Variants in SH2D4B observed in about 807,000 individuals in gnomAD.
The protein encoded by SH2D4B is SH2 domain-containing protein 4B.
SH2D4B carries 45 observed loss-of-function variants against 61.5 expected under a neutral mutation model. The observed-to-expected ratio is 0.73, with a 90% CI of 0.58 to 0.94. SH2D4B has a LOEUF of 0.94. Among genes scored for constraint, SH2D4B ranks in the 40% least tolerant of loss-of-function variants. SH2D4B has a pLI of 0.00. For missense variants in SH2D4B, 572 were observed against 574.2 expected (o/e 1.00, Z 0.04); for synonymous variants, 224 against 220.4 (o/e 1.02, Z -0.14).
Position 80,538,658 on chromosome 10 carries a change from C to A in SH2D4B, c.184+143C>A. The A allele has an allele frequency of 1.4e-6, 1 of 699,470 alleles. No homozygotes were observed. The highest frequency in any genetic ancestry group is 2.1e-6 in the Non-Finnish European group (1 of 487,286). 43.3% of individuals were successfully genotyped at this position (699,470 alleles called of 1,614,324 possible). A position where few individuals can be genotyped will look rare whatever the true frequency, so the allele number is the denominator to read the frequency against. On this transcript the variant is annotated intron_variant, in intron 1 of 7. Coordinates refer to ENST00000646907, the MANE Select transcript of SH2D4B (RefSeq NM_001388272.1). This position sits in a 1 kb window ranked among gnomAD's most constrained non-coding sequence, Gnocchi z 4.8. ...CTTGAAACCCTTGTCTTGTGGGCAT[C>A]AGGTCCCATGAGCCTGTGCTTTTGC...
At chr10:80,572,981 TATATA>T (rs1454803589) in intron 3 of SH2D4B, among the ~76,000 whole-genome samples, 14 of 11,282 alleles carry the variant, frequency 1.2e-3, no homozygotes, top group East Asian at 3.5e-3. Flanking sequence ...TATATATATA[TATATA>T]TTTTTTTTTT....
Position 80,617,466 on chromosome 10 carries a change from C to A in SH2D4B, c.988+7915C>A, listed in dbSNP as rs117474348. On this transcript the variant is annotated intron_variant, in intron 6 of 7. Coordinates refer to ENST00000646907, the MANE Select transcript of SH2D4B (RefSeq NM_001388272.1). ...GATTGTTGAGTTACCTAGACAGGGGCAAGAGAAGACAGACTCCCTGAGTAA... is the reference window on the plus strand; with the variant it reads ...GATTGTTGAGTTACCTAGACAGGGGAAAGAGAAGACAGACTCCCTGAGTAA... Among the ~76,000 whole-genome samples, 29 of 152,256 alleles carry A rather than the reference C, an allele frequency of 1.9e-4. No homozygotes were observed. The East Asian group carries it at 5.0e-3, about 26-fold the overall frequency.
In SH2D4B at chr10:80,574,723, G is replaced by A. The variant is rs138404440; in HGVS notation, c.495+3145G>A. On this transcript the variant is annotated intron_variant, in intron 3 of 7. Coordinates refer to ENST00000646907, the MANE Select transcript of SH2D4B (RefSeq NM_001388272.1). ...ATTAATTAATTAATTTGTTTGAGAC[G>A]GAGTTTCGCTCTTGTTGTCCAGGCT... Among the ~76,000 whole-genome samples, 133 of 151,764 alleles carry A rather than the reference G, an allele frequency of 8.8e-4. 2 individuals carry two copies. The East Asian group carries it at 0.024, about 28-fold the overall frequency.
chr10:80,558,555 A>G (rs1311226539), intron 1 of SH2D4B, among the ~76,000 whole-genome samples: 1 of 152,158 alleles, frequency 6.6e-6, no homozygotes, highest in African/African-American at 2.4e-5. Context: ...GTCTTGGGTC[A>G]CTGCAACTTC....
chr10:80,617,324 T>C (rs1842671881), intron 6 of SH2D4B, among the ~76,000 whole-genome samples: 1 of 152,152 alleles, frequency 6.6e-6, no homozygotes, highest in Non-Finnish European at 1.5e-5. Flanking sequence ...AAGTGTCTGC[T>C]CCTCCTGAGG....
intron 4 of SH2D4B, among the ~76,000 whole-genome samples, chr10:80,591,123 T>A (rs904109524): frequency 1.4e-5 from 2 of 145,614 alleles, no homozygotes; most frequent in Non-Finnish European, 2.9e-5. Flanking sequence ...ATATACCACA[T>A]TGTTGTTTGT....
At chr10:80,572,005 C>T (rs987410648) in intron 3 of SH2D4B, among the ~76,000 whole-genome samples, 3 of 152,084 alleles carry the variant, frequency 2.0e-5, no homozygotes, top group Non-Finnish European at 2.9e-5. Context: ...ATCTCCTGAC[C>T]TCGTGATCCG....
chr10:80,560,372 A>ATT (rs1046386490), intron 1 of SH2D4B, among the ~76,000 whole-genome samples: 15 of 144,566 alleles, frequency 1.0e-4, no homozygotes, highest in African/African-American at 2.0e-4. Context: ...ATATTCTTAG[A>ATT]TTTTTTTTTT....
At position 80,609,429 on chromosome 10, in the gene SH2D4B, C is replaced by G; in HGVS notation, c.866C>G (p.Thr289Ser). Reference protein sequence around the residue: ...PQPLALPVSRTWERPLRPVSR... With the variant: ...PQPLALPVSRSWERPLRPVSR... ...CCCACTTTCTTTCTCTTCAGCAGGACCTGGGAGCGCCCGCTGCGCCCAGTC... is the reference window on the plus strand; with the variant it reads ...CCCACTTTCTTTCTCTTCAGCAGGAGCTGGGAGCGCCCGCTGCGCCCAGTC... Residue 289 changes from threonine (T) to serine (S), a missense_variant, in exon 6 of 8, where the codon ACC (threonine) becomes AGC (serine). Physicochemically the swap from Thr to Ser is moderately conservative, Grantham distance 58. Transcript: ENST00000646907. 1.9e-6 allele frequency: 3 copies of G among 1,613,742 alleles called. No individual in the cohort carries two copies. The highest frequency in any genetic ancestry group is 2.5e-6 in the Non-Finnish European group (3 of 1,179,790).
chr10:80,571,788 T>A (rs1325935359), intron 3 of SH2D4B, among the ~76,000 whole-genome samples: 1 of 150,730 alleles, frequency 6.6e-6, no homozygotes, highest in Non-Finnish European at 1.5e-5. Context: ...TTTTTTTTTT[T>A]TTTGAGACGG....
intron 3 of SH2D4B, among the ~76,000 whole-genome samples, chr10:80,576,566 G>A (rs533016810): frequency 6.6e-6 from 1 of 152,144 alleles, no homozygotes; most frequent in South Asian, 2.1e-4. Flanking sequence ...TTGCTGTGTG[G>A]AACTCTTCAT....
intron 6 of SH2D4B, among the ~76,000 whole-genome samples, chr10:80,626,121 G>T (rs1036961074): frequency 1.3e-5 from 2 of 151,438 alleles, no homozygotes; most frequent in African/African-American, 4.8e-5. Flanking sequence ...CTCATCATTT[G>T]TTCCGGTATC....
rs7916844 is a variant in SH2D4B at position 80,642,463 on chromosome 10, A to C, written c.1210-1530A>C. 6.1e-3 allele frequency among the ~76,000 whole-genome samples: 931 copies of C among 152,260 alleles called. 9 individuals carry two copies. The highest frequency in any genetic ancestry group is 0.022 in the African/African-American group (902 of 41,540). On this transcript the variant is annotated intron_variant, in intron 7 of 7. Coordinates refer to ENST00000646907, the MANE Select transcript of SH2D4B (RefSeq NM_001388272.1). ...AAAGTGGGTTTAATAGTAGCACTCA[A>C]CTCTTCAGGTCACTGTAAGGTTTTA...
At chr10:80,613,575 G>T (rs1172236489) in intron 6 of SH2D4B, among the ~76,000 whole-genome samples, 1 of 152,244 alleles carries the variant, frequency 6.6e-6, no homozygotes, top group East Asian at 1.9e-4. Context: ...CCCTGCTCAG[G>T]TGCTGGGAGT....
rs1441378979 is a variant in SH2D4B at position 80,538,148 on chromosome 10, G to T, written c.-184G>T. 4.8e-6 allele frequency: 2 copies of T among 414,260 alleles called. No individual in the cohort carries two copies. Among genetic ancestry groups the T allele is most frequent in the African/African-American group, 4.1e-5 (2 of 48,774 alleles). 25.7% of individuals were successfully genotyped at this position (414,260 alleles called of 1,614,324 possible). A position where few individuals can be genotyped will look rare whatever the true frequency, so the allele number is the denominator to read the frequency against. Reference sequence around the variant, plus strand: ...TGCCTGGCCTCTTTTGCTGTCCTGGGTAGAGGAGATGAGTTCGTCGCTGGC... The same window carrying T: ...TGCCTGGCCTCTTTTGCTGTCCTGGTTAGAGGAGATGAGTTCGTCGCTGGC... On this transcript the variant is annotated 5_prime_UTR_variant, in exon 1 of 8. Coordinates refer to ENST00000646907, the MANE Select transcript of SH2D4B (RefSeq NM_001388272.1). The surrounding 1 kb of genome is among the most constrained non-coding windows in gnomAD (Gnocchi z 4.8).
chr10:80,622,291 A>T (rs1282707588), intron 6 of SH2D4B, among the ~76,000 whole-genome samples: 1 of 152,200 alleles, frequency 6.6e-6, no homozygotes, highest in Non-Finnish European at 1.5e-5. Context: ...TACATTGTGT[A>T]TATATCACCT....
At chr10:80,570,072 G>A in intron 1 of SH2D4B, 82 bp from the exon 2 acceptor site, 1 of 1,520,548 alleles carries the variant, frequency 6.6e-7, no homozygotes, top group Non-Finnish European at 9.0e-7. Context: ...TGATGTGATG[G>A]TTGTTTACCA....
At chr10:80,592,953 A>T (rs977888812) in intron 4 of SH2D4B, among the ~76,000 whole-genome samples, 9 of 152,076 alleles carry the variant, frequency 5.9e-5, no homozygotes, top group African/African-American at 2.2e-4. Context: ...TCCTGAGCTT[A>T]AACGATCTGC....
intron 3 of SH2D4B, among the ~76,000 whole-genome samples, chr10:80,579,120 G>A (rs1842159080): frequency 6.6e-6 from 1 of 152,128 alleles, no homozygotes; most frequent in Admixed American, 6.5e-5. Flanking sequence ...GGAGAGGTGA[G>A]AGCTTGGGTG....
Sources: gnomAD v4.1 joint callset for allele counts (sites outside exome capture counted in the v4.1 genomes callset) on GRCh38, gnomAD v4.1.1 for gene constraint, Gnocchi (gnomAD v3.1) non-coding constraint, MANE v1.5 for transcripts, NCBI Gene and HGNC (gene_info 2026-07-23, HGNC 2026-07-21) for gene names.